CLVS1: variants seen among roughly 807,000 people sequenced by gnomAD.
The protein encoded by CLVS1 is clavesin-1.
CLVS1 carries 10 observed loss-of-function variants against 33.1 expected under a neutral mutation model. That is an observed-to-expected ratio of 0.30 (90% confidence interval 0.19 to 0.51). The LOEUF is 0.51. CLVS1 is among the 20% of genes least tolerant of loss of function. CLVS1 has a pLI of 0.97. For missense variants in CLVS1, 343 were observed against 433.4 expected, an observed-to-expected ratio of 0.79 and a Z score of 1.85; for synonymous variants, 163 against 166.1, an observed-to-expected ratio of 0.98 and a Z score of 0.14.
intron 1 of CLVS1, among the ~76,000 whole-genome samples, chr8:61,291,493 T>G (rs1164387671): frequency 6.6e-6 from 1 of 152,216 alleles, no homozygotes. Context: ...ATTCAATTGT[T>G]CATTATTTTA....
intron 2 of CLVS1, among the ~76,000 whole-genome samples, chr8:61,133,214 TCAACACA>T (rs1208875956): frequency 6.6e-6 from 1 of 151,862 alleles, no homozygotes; most frequent in Non-Finnish European, 1.5e-5. Context: ...TCAATGGAGT[TCAACACA>T]TGGCCACAAT....
At chr8:61,434,364 G>T (rs543805910) in intron 3 of CLVS1, among the ~76,000 whole-genome samples, 1 of 152,140 alleles carries the variant, frequency 6.6e-6, no homozygotes. Flanking sequence ...AACAGTGAGC[G>T]CCAACTGTCA....
At chr8:61,068,221 A>ATG (rs1376173255) in intron 1 of CLVS1, among the ~76,000 whole-genome samples, 12 of 110,972 alleles carry the variant, frequency 1.1e-4, no homozygotes, top group South Asian at 2.9e-4. Context: ...ATATATATGT[A>ATG]TGTATGTGTA....
chr8:61,309,206 GAA>G (rs1223171958), intron 2 of CLVS1, among the ~76,000 whole-genome samples: 7 of 152,246 alleles, frequency 4.6e-5, no homozygotes, highest in African/African-American at 1.7e-4. Flanking sequence ...TGGGAAGAAA[GAA>G]AGTGGAGAGG....
intron 2 of CLVS1, among the ~76,000 whole-genome samples, chr8:61,244,003 C>T (rs555676121): frequency 3.6e-4 from 55 of 152,084 alleles, no homozygotes; most frequent in African/African-American, 1.2e-3. Flanking sequence ...TATTTGTATC[C>T]CCAAATCAAT....
chr8:61,108,585 T>TA (rs1805578239), intron 1 of CLVS1, among the ~76,000 whole-genome samples: 1 of 152,338 alleles, frequency 6.6e-6, no homozygotes, highest in South Asian at 2.1e-4. Context: ...CTTCCATGGG[T>TA]AAGCCTAAGT....
chr8:61,406,801 G>A (rs1815008767), intron 3 of CLVS1, among the ~76,000 whole-genome samples: 1 of 152,100 alleles, frequency 6.6e-6, no homozygotes, highest in Non-Finnish European at 1.5e-5. Context: ...TAGAGATGGG[G>A]TTTCACTGTG....
At chr8:61,409,509 C>T (rs1741196883) in intron 3 of CLVS1, among the ~76,000 whole-genome samples, 1 of 152,096 alleles carries the variant, frequency 6.6e-6, no homozygotes, top group Non-Finnish European at 1.5e-5. Context: ...TGCATAGTAT[C>T]CCATTAAATA....
intron 3 of CLVS1, among the ~76,000 whole-genome samples, chr8:61,453,583 G>A (rs550888633): frequency 6.6e-6 from 1 of 152,260 alleles, no homozygotes; most frequent in African/African-American, 2.4e-5. Flanking sequence ...GTGTGAAAAA[G>A]TTGTTATAAC....
intron 2 of CLVS1, among the ~76,000 whole-genome samples, chr8:61,315,787 T>G (rs1476035612): frequency 6.6e-6 from 1 of 152,162 alleles, no homozygotes; most frequent in African/African-American, 2.4e-5. Flanking sequence ...AGTGCAGGTT[T>G]GTTACATAGG....
intron 1 of CLVS1, among the ~76,000 whole-genome samples, chr8:61,099,707 T>C (rs560267296): frequency 4.6e-4 from 70 of 152,214 alleles, no homozygotes; most frequent in African/African-American, 1.0e-3. Context: ...CTTTTGAGGG[T>C]TATCTGTTGA....
chr8:61,129,451 T>A (rs1266573210), intron 1 of CLVS1, among the ~76,000 whole-genome samples: 1 of 152,244 alleles, frequency 6.6e-6, no homozygotes, highest in Non-Finnish European at 1.5e-5. Context: ...TAAATCTGTC[T>A]TTTTTCAAAA....
chr8:61,231,809 T>C (rs1294036063), intron 2 of CLVS1, among the ~76,000 whole-genome samples: 1 of 152,114 alleles, frequency 6.6e-6, no homozygotes, highest in African/African-American at 2.4e-5. Context: ...AAGTTTGGTG[T>C]AGACCAGTAG....
chr8:61,367,627 C>T (rs929417763), intron 2 of CLVS1, among the ~76,000 whole-genome samples: 1 of 152,220 alleles, frequency 6.6e-6, no homozygotes, highest in African/African-American at 2.4e-5. Flanking sequence ...CCATGAGCTG[C>T]TAAGGCTTTA....
the CLVS1 span, among the ~76,000 whole-genome samples, chr8:60,980,252 T>A: frequency 6.6e-6 from 1 of 152,254 alleles, no homozygotes; most frequent in Non-Finnish European, 1.5e-5. Context: ...TTGCCTTTTC[T>A]TTAACCATTA....
intron 1 of CLVS1, among the ~76,000 whole-genome samples, chr8:61,086,991 A>T (rs1176876725): frequency 6.6e-6 from 1 of 152,192 alleles, no homozygotes; most frequent in East Asian, 1.9e-4. Flanking sequence ...AAGCAGCATG[A>T]GGTACAGGGC....
chr8:61,017,083 A>C, the CLVS1 span, among the ~76,000 whole-genome samples: 1 of 152,294 alleles, frequency 6.6e-6, no homozygotes, highest in South Asian at 2.1e-4. Context: ...CTCTCCAAAA[A>C]GACAGCCGGG....
rs147379741 is a variant in CLVS1, at chr8:61,111,403, G to C, written c.-242-20367G>C. ...TCAATATTTTCTTTGGTATCTTCTT[G>C]GTTTGTACTTTTGGTACAGGCTGAC... On this transcript the variant is annotated intron_variant, in intron 1 of 2. Coordinates refer to the CLVS1 transcript ENST00000522621. 3.0e-3 allele frequency among the ~76,000 whole-genome samples: 460 copies of C among 152,208 alleles called. 8 individuals carry two copies. The highest frequency in any genetic ancestry group is 0.023 in the Admixed American group (356 of 15,282).
chr8:61,396,134 C>G (rs1311239491), intron 3 of CLVS1, among the ~76,000 whole-genome samples: 1 of 152,140 alleles, frequency 6.6e-6, no homozygotes, highest in Non-Finnish European at 1.5e-5. Flanking sequence ...ATCCCTAGAG[C>G]CACTGCTTTG....
Sources: allele counts gnomAD v4.1 joint callset (sites outside exome capture counted in the v4.1 genomes callset), GRCh38; gene constraint gnomAD v4.1.1; transcripts MANE v1.5; gene names NCBI Gene and HGNC (gene_info 2026-07-23, HGNC 2026-07-21).